MTERF2: variants seen among roughly 807,000 people sequenced by gnomAD.
MTERF2 encodes transcription termination factor 2, mitochondrial.
MTERF2 carries 23 observed loss-of-function variants against 29.2 expected under a neutral mutation model. That is an observed-to-expected ratio of 0.79 (90% CI 0.57 to 1.12). The LOEUF is 1.12. MTERF2 is among the 50% of genes most tolerant of loss of function. The probability of loss-of-function intolerance (pLI) is 0.00; values close to 1 mark genes in which losing one functional copy is unlikely to be tolerated. For synonymous variants in MTERF2, 157 were observed against 159.5 expected (o/e 0.98, Z 0.12); for missense variants, 440 against 429.4 (o/e 1.02, Z -0.22).
intron 1 of MTERF2, chr12:106,986,215 C>G (rs570550113): frequency 6.6e-6 from 1 of 152,296 alleles, no homozygotes; most frequent in South Asian, 2.1e-4. Flanking sequence ...TGCCTGATTC[C>G]TGGACAACAG....
chr12:106,983,469 G>A (rs538694983), intron 2 of MTERF2, among the ~76,000 whole-genome samples: 4 of 152,140 alleles, frequency 2.6e-5, no homozygotes, highest in Non-Finnish European at 5.9e-5. Flanking sequence ...TCATATTACA[G>A]TATCTGTTAG....
In MTERF2 at chr12:106,977,540, C is replaced by T. The variant is rs546046191; in HGVS notation, c.*17G>A. 3.2e-6 allele frequency: 5 copies of T among 1,584,592 alleles called. No individual in the cohort carries two copies. In the East Asian group the frequency reaches 8.9e-5, roughly 28 times the overall value. On this transcript the variant is annotated 3_prime_UTR_variant, in exon 3 of 3. Transcript: ENST00000240050. ...TTCACCCTGCACTGCTAGAAAGAAG[C>T]AACAACAGTCAGTATGTCATTCTTC...
intron 1 of MTERF2, chr12:106,986,204 C>T (rs943451082): frequency 6.6e-6 from 1 of 152,208 alleles, no homozygotes; most frequent in African/African-American, 2.4e-5. Context: ...CAGAGCCAGA[C>T]TGCCTGATTC....
intron 2 of MTERF2, among the ~76,000 whole-genome samples, chr12:106,982,247 T>C (rs137919744): frequency 9.5e-4 from 144 of 152,188 alleles, no homozygotes; most frequent in African/African-American, 3.3e-3. Flanking sequence ...AGATAGTGTA[T>C]TACTGGTCTC....
intron 1 of MTERF2, chr12:106,985,555 T>C (rs1228429277): frequency 6.6e-6 from 1 of 152,276 alleles, no homozygotes; most frequent in Non-Finnish European, 1.5e-5. Flanking sequence ...CTTTTACACT[T>C]GCGCACAAGT....
chr12:106,981,253 A>G (rs938488043), intron 2 of MTERF2, among the ~76,000 whole-genome samples: 2 of 152,208 alleles, frequency 1.3e-5, no homozygotes, highest in Non-Finnish European at 2.9e-5. Context: ...CAGAGAAAAC[A>G]AGACAGCAGT....
rs774238318 is a variant in MTERF2, at chr12:106,978,461, T to C, written c.254A>G (p.Gln85Arg). Residue 85 changes from glutamine to arginine, a missense_variant, in exon 3 of 3, where the codon CAA becomes CGA. By Grantham distance (43) the Gln-to-Arg change is conservative. Transcript: ENST00000240050. ...AGCAGTCTCATCGGCACCTAGTTCT[T>C]GTAAAATATTCGCAATTTCTTCAAC... ...TYVEEIANIL[Q>R]ELGADETAVA... is the part of the protein sequence containing the mutation. 25 of 1,614,248 alleles carry C rather than the reference T, an allele frequency of 1.5e-5. No individual in the cohort carries two copies. In the East Asian group the frequency reaches 4.7e-4, roughly 30 times the overall value.
intron 2 of MTERF2, among the ~76,000 whole-genome samples, chr12:106,979,921 C>T (rs1397523785): frequency 6.6e-6 from 1 of 151,972 alleles, no homozygotes; most frequent in East Asian, 1.9e-4. Flanking sequence ...TATTTTGAGA[C>T]AGAGTCTCTC....
chr12:106,984,147 C>A (rs1329508848), intron 2 of MTERF2, among the ~76,000 whole-genome samples: 3 of 152,170 alleles, frequency 2.0e-5, no homozygotes, highest in Non-Finnish European at 2.9e-5. Context: ...CTGAGCTCAG[C>A]CTCTCTGGCC....
At position 106,977,947 on chromosome 12, in the gene MTERF2, A is replaced by G; in HGVS notation, c.768T>C (p.Phe256=). Residue 256 remains phenylalanine, a synonymous_variant, in exon 3 of 3, where the codon TTT becomes TTC. Coordinates refer to ENST00000240050, the MANE Select transcript of MTERF2 (RefSeq NM_001033050.3). ...TCTGTATACTTCTTGGGCAAAGTTG[A>G]AAAAGAAATCCTTTGAGTTTGGATA... ...QLLSKLKGFL[F]QLCPRSIQNS... 1.2e-6 allele frequency: 2 copies of G among 1,614,162 alleles called. No homozygotes were observed. The highest frequency in any genetic ancestry group is 1.1e-5 in the South Asian group (1 of 91,084).
At chr12:106,981,655 G>T (rs769913415) in intron 2 of MTERF2, among the ~76,000 whole-genome samples, 75 of 151,958 alleles carry the variant, frequency 4.9e-4, no homozygotes, top group Non-Finnish European at 8.7e-4. Context: ...TGAGTAGCTG[G>T]GACTACAGCC....
At position 106,983,233 on chromosome 12, in the gene MTERF2, T is replaced by C. The variant is rs550863298; in HGVS notation, c.-58+1882A>G. Among the ~76,000 whole-genome samples the C allele has an allele frequency of 3.9e-5, 6 of 152,294 alleles. No individual in the cohort carries two copies. In the South Asian group the frequency reaches 1.2e-3, roughly 32 times the overall value. ...GTGTACCATTCAGTGGCTTAAAGTA[T>C]AGTCACAATGTTGTACCACCATGAC... On this transcript the variant is annotated intron_variant, in intron 2 of 2. Coordinates refer to ENST00000240050, the MANE Select transcript of MTERF2 (RefSeq NM_001033050.3).
chr12:106,978,378 TAAC>T lies in MTERF2; in HGVS notation c.334_336del (p.Val112del), dbSNP rs750718851. ...AACTGCCAGAGTTTTCTCTGGGTGT[TAAC>T]AGCGGTTGGACTACAGACAATTGCT... is the stretch of plus-strand genomic sequence containing the variant. On this transcript the variant is annotated inframe_deletion, in exon 3 of 3. Transcript: ENST00000240050. 3 of 1,614,116 alleles carry T rather than the reference TAAC, an allele frequency of 1.9e-6. No individual in the cohort carries two copies. In the African/African-American group the frequency reaches 4.0e-5, roughly 22 times the overall value.
intron 2 of MTERF2, 31 bp downstream of exon 2, chr12:106,985,084 A>G (rs903361131): frequency 6.6e-6 from 1 of 152,162 alleles, no homozygotes; most frequent in East Asian, 1.9e-4. Flanking sequence ...CTCACCTTCA[A>G]GGCTTGGTTC....
chr12:106,986,248 T>TA (rs2136805244), intron 1 of MTERF2: 1 of 152,330 alleles, frequency 6.6e-6, no homozygotes, highest in African/African-American at 2.4e-5. Flanking sequence ...TTGAAGAAGT[T>TA]ACTTCACCTC....
At chr12:106,979,616 T>C (rs1593479253) in intron 2 of MTERF2, among the ~76,000 whole-genome samples, 1 of 152,184 alleles carries the variant, frequency 6.6e-6, no homozygotes, top group East Asian at 1.9e-4. Flanking sequence ...GGCACATGCC[T>C]GTAATCCCTA....
At chr12:106,986,597 T>C (rs921495107) in intron 1 of MTERF2, 10 of 152,234 alleles carry the variant, frequency 6.6e-5, no homozygotes, top group African/African-American at 2.2e-4. Context: ...AATCACAATG[T>C]GGGCTGTTCT....
chr12:106,978,333 C>G lies in MTERF2; in HGVS notation c.382G>C (p.Glu128Gln), dbSNP rs147434080. 145 of 1,614,170 alleles carry G rather than the reference C, an allele frequency of 9.0e-5. No individual in the cohort carries two copies. The African/African-American group carries it at 1.8e-3, about 20-fold the overall frequency. Reference protein sequence around the residue: ...LWQLVCKNEEELIKLIEQFPE... With the variant: ...LWQLVCKNEEQLIKLIEQFPE... The stretch of plus-strand genomic sequence containing the variant: ...AACTGCTCTATTAACTTGATTAACT[C>G]TTCCTCATTTTTGCAGACCAACTGC... Residue 128 changes from glutamate (E) to glutamine (Q), a missense_variant, in exon 3 of 3, where the codon GAG becomes CAG. Glu to Gln is a conservative substitution (Grantham distance 29). Coordinates refer to ENST00000240050, the MANE Select transcript of MTERF2 (RefSeq NM_001033050.3).
In MTERF2 at chr12:106,977,691, A is replaced by G; in HGVS notation, c.1024T>C (p.Tyr342His). 1 of 1,613,994 alleles carries G rather than the reference A, an allele frequency of 6.2e-7. No individual in the cohort carries two copies. Among genetic ancestry groups the G allele is most frequent in the Non-Finnish European group, 8.5e-7 (1 of 1,179,968 alleles). The change falls in exon 3 of 3, where the codon TAC (tyrosine) becomes CAC (histidine). Residue 342 changes from tyrosine (Y) to histidine (H), a missense_variant. By Grantham distance (83) the Tyr-to-His change is moderately conservative. Coordinates refer to ENST00000240050, the MANE Select transcript of MTERF2 (RefSeq NM_001033050.3). Reference sequence around the variant, plus strand: ...GCTAGATGTCCATCCTTTATTCTGTAGCCTGAGGAATTCAGTTTCCTTATC... The same window carrying G: ...GCTAGATGTCCATCCTTTATTCTGTGGCCTGAGGAATTCAGTTTCCTTATC... ...YRIRKLNSSG[Y>H]RIKDGHLANL... is the part of the protein sequence containing the mutation.
Sources: gnomAD v4.1 joint callset for allele counts (sites outside exome capture counted in the v4.1 genomes callset) on GRCh38, gnomAD v4.1.1 for gene constraint, MANE v1.5 for transcripts, NCBI Gene and HGNC (gene_info 2026-07-23, HGNC 2026-07-21) for gene names.